The following TYRO3 variants were observed in gnomAD, a reference collection of about 807,000 sequenced individuals.
TYRO3 encodes tyrosine-protein kinase receptor TYRO3.
Under a neutral mutation model 95.2 loss-of-function variants are expected in TYRO3, and 38 were observed. The ratio of observed to expected loss-of-function variants is 0.40; its 90% CI spans 0.31 to 0.52. The LOEUF is 0.52. TYRO3 is among the 20% of genes least tolerant of loss of function. TYRO3 has a pLI of 0.56. For missense variants in TYRO3, 812 were observed against 1,116.4 expected (o/e 0.73, Z 3.89); for synonymous variants, 367 against 432.9 (o/e 0.85, Z 1.89).
chr15:41,577,778 G>A, intron 18 of TYRO3, 108 bp from the exon 19 acceptor site: 1 of 1,179,762 alleles, frequency 8.5e-7, no homozygotes, highest in Non-Finnish European at 1.2e-6. Context: ...GAGCCGCTGT[G>A]CCCCACCAGG....
chr15:41,567,599 G>T, intron 7 of TYRO3, 62 bp downstream of exon 7: 2 of 1,388,356 alleles, frequency 1.4e-6, no homozygotes, highest in South Asian at 1.9e-5. Flanking sequence ...GGCCGTGTTG[G>T]CTGGAGTTCT....
chr15:41,567,339 T>C, intron 6 of TYRO3, 21 bp from the exon 7 acceptor site: 2 of 1,467,334 alleles, frequency 1.4e-6, no homozygotes, highest in Non-Finnish European at 1.8e-6. Flanking sequence ...CCTACATCAT[T>C]AGTTTTCTGC....
intron 5 of TYRO3, chr15:41,564,782 C>T (rs1347509446): frequency 5.8e-6 from 3 of 514,446 alleles, no homozygotes; most frequent in Non-Finnish European, 1.1e-5. Flanking sequence ...TCCTCAGTTA[C>T]ACAGGGCCTT....
At chr15:41,577,522 G>A (rs1221115791) in intron 18 of TYRO3, 3 of 157,858 alleles carry the variant, frequency 1.9e-5, no homozygotes, top group African/African-American at 7.2e-5. Flanking sequence ...TAGAGATGGG[G>A]TTTCTCCATG....
chr15:41,563,943 C>T (rs979923001), intron 4 of TYRO3, among the ~76,000 whole-genome samples: 1 of 152,134 alleles, frequency 6.6e-6, no homozygotes, highest in Non-Finnish European at 1.5e-5. Flanking sequence ...ATGCCGTGCA[C>T]TTGACACACA....
At chr15:41,562,331 CA>C (rs11363130) in intron 3 of TYRO3, 40,155 of 172,668 alleles carry the variant, frequency 0.23, 1,967 homozygotes, top group Middle Eastern at 0.27. Context: ...CGACCAATCT[CA>C]AAAAAAAAAA....
At chr15:41,562,805 G>A in intron 4 of TYRO3, 87 bp downstream of exon 4, 7 of 1,352,806 alleles carry the variant, frequency 5.2e-6, no homozygotes, top group Non-Finnish European at 7.1e-6. Context: ...CACTGAGCTT[G>A]CGGTTGTGAG....
intron 18 of TYRO3, among the ~76,000 whole-genome samples, chr15:41,575,914 G>A (rs1035815207): frequency 3.0e-4 from 46 of 151,872 alleles, no homozygotes; most frequent in Non-Finnish European, 2.9e-5. Context: ...AGACCAGCCT[G>A]ACCAACATAG....
Position 41,562,729 on chromosome 15 carries a change from TC to T in TYRO3, c.580+12del. On this transcript the variant is annotated intron_variant, in intron 4 of 18. Coordinates refer to ENST00000263798, the MANE Select transcript of TYRO3 (RefSeq NM_006293.4). ...TTTTAAATGTAACAGGTGAGCAGCC[TC>T]AGAAGGGGGCTGGGAGTGGAGAAGG... The T allele has an allele frequency of 6.5e-7, 1 of 1,547,040 alleles. No homozygotes were observed. The highest frequency in any genetic ancestry group is 8.8e-7 in the Non-Finnish European group (1 of 1,131,358).
At chr15:41,566,003 G>A (rs1408407074) in intron 6 of TYRO3, among the ~76,000 whole-genome samples, 1 of 152,094 alleles carries the variant, frequency 6.6e-6, no homozygotes, top group Non-Finnish European at 1.5e-5. Flanking sequence ...CCCTGCTCTG[G>A]GCTCCACCAT....
At chr15:41,572,893 T>C (rs2055814972) in intron 15 of TYRO3, 109 bp from the exon 16 acceptor site, 1 of 756,900 alleles carries the variant, frequency 1.3e-6, no homozygotes. Flanking sequence ...CTTCCTTCCT[T>C]CCAGTGATTC....
chr15:41,560,235 C>G (rs1280760401), intron 1 of TYRO3, among the ~76,000 whole-genome samples: 2 of 152,112 alleles, frequency 1.3e-5, no homozygotes, highest in Non-Finnish European at 2.9e-5. Flanking sequence ...ATTTACAAGC[C>G]GAAAGGTGCG....
In TYRO3 at chr15:41,572,449, G is replaced by A; in HGVS notation, c.1760G>A (p.Ser587Asn). ...HPHVAKLVGV[S>N]LRSRAKGRLP... is the part of the protein sequence containing the mutation. ...TGACTCTCCCTTGTCCCAGGGGTAA[G>A]CCTCCGGAGCAGGGCTAAAGGCCGT... is the stretch of plus-strand genomic sequence containing the variant. Residue 587 changes from serine (S) to asparagine (N), a missense_variant, in exon 15 of 19, where the codon AGC (serine) becomes AAC (asparagine). Ser to Asn is a conservative substitution (Grantham distance 46, BLOSUM62 1). Coordinates refer to ENST00000263798, the MANE Select transcript of TYRO3 (RefSeq NM_006293.4). 6.2e-7 allele frequency: 1 copy of A among 1,614,194 alleles called. No homozygotes were observed. The highest frequency in any genetic ancestry group is 8.5e-7 in the Non-Finnish European group (1 of 1,180,008).
At chr15:41,573,193 A>G in intron 16 of TYRO3, 82 bp downstream of exon 16, 1 of 1,413,880 alleles carries the variant, frequency 7.1e-7, no homozygotes, top group Non-Finnish European at 9.6e-7. Context: ...CCTGCCTGGG[A>G]CAGTATCTGC....
Position 41,568,295 on chromosome 15 carries a change from C to T in TYRO3, c.1040C>T (p.Pro347Leu). Residue 347 changes from proline to leucine, a missense_variant, in exon 8 of 19, where the codon CCC (proline) becomes CTC (leucine). Physicochemically the swap from Pro to Leu is moderately conservative, Grantham distance 98. Coordinates refer to ENST00000263798, the MANE Select transcript of TYRO3 (RefSeq NM_006293.4). ...ATCTTGGAGTGGGAAGAAGTGATCC[C>T]CGAGGCCCCTTTGGAAGGCCCCCTG... ...GLILEWEEVI[P>L]EAPLEGPLGP... 6.2e-7 allele frequency: 1 copy of T among 1,613,966 alleles called. No homozygotes were observed.
chr15:41,574,268 T>G (rs562533040), intron 18 of TYRO3, among the ~76,000 whole-genome samples: 40 of 152,330 alleles, frequency 2.6e-4, no homozygotes, highest in African/African-American at 9.1e-4. Flanking sequence ...CTCTTGGGAA[T>G]CTAAGATAAA....
chr15:41,578,424 A>G lies in TYRO3; in HGVS notation c.*148A>G. On this transcript the variant is annotated 3_prime_UTR_variant, in exon 19 of 19. Transcript: ENST00000263798. ...AAGCTGTGCTGGGAAGCCCGGACTG[A>G]CCAAATCACCCAATCCCAGTTCTTC... The G allele has an allele frequency of 4.9e-6, 5 of 1,028,534 alleles. No homozygotes were observed. The South Asian group carries it at 8.6e-5, about 18-fold the overall frequency. The allele number at this position is 1,028,534 out of a possible 1,614,324, so 63.7% of individuals were successfully genotyped here.
intron 18 of TYRO3, 167 bp from the exon 19 acceptor site, chr15:41,577,719 T>C: frequency 1.5e-6 from 1 of 647,106 alleles, no homozygotes; most frequent in East Asian, 2.8e-5. Flanking sequence ...ACTCCTGGGC[T>C]CAAATAATAC....
Position 41,572,469 on chromosome 15 carries a change from G to A in TYRO3, c.1780G>A (p.Gly594Ser). The A allele has an allele frequency of 6.2e-7, 1 of 1,614,214 alleles. No homozygotes were observed. Among genetic ancestry groups the A allele is most frequent in the Non-Finnish European group, 8.5e-7 (1 of 1,180,028 alleles). Residue 594 changes from glycine to serine, a missense_variant, in exon 15 of 19, where the codon GGC becomes AGC. Physicochemically the swap from Gly to Ser is moderately conservative, Grantham distance 56. Coordinates refer to ENST00000263798, the MANE Select transcript of TYRO3 (RefSeq NM_006293.4). ...GGTAAGCCTCCGGAGCAGGGCTAAA[G>A]GCCGTCTCCCCATCCCCATGGTCAT... ...VGVSLRSRAK[G>S]RLPIPMVILP...
Sources: allele counts gnomAD v4.1 joint callset (sites outside exome capture counted in the v4.1 genomes callset), GRCh38; gene constraint gnomAD v4.1.1; transcripts MANE v1.5; gene names NCBI Gene and HGNC (gene_info 2026-07-23, HGNC 2026-07-21).